Variants in HECW2 observed in about 807,000 individuals in gnomAD.
HECW2 encodes E3 ubiquitin-protein ligase HECW2.
A neutral mutation model predicts 175.2 loss-of-function variants in HECW2; 61 were observed. The observed-to-expected ratio is 0.35, with a 90% confidence interval of 0.28 to 0.43. The LOEUF (loss-of-function observed/expected upper bound fraction) is 0.43, where lower values mean the gene tolerates loss of function less well. Ranked by LOEUF, HECW2 falls within the 20% of genes least tolerant of loss-of-function variation. HECW2 has a pLI of 1.00. For synonymous variants in HECW2, 671 were observed against 731.0 expected (o/e 0.92, Z 1.32); for missense variants, 1,524 against 2,000.5 (o/e 0.76, Z 4.54).
At chr2:196,565,683 C>T (rs1349002168) in intron 1 of HECW2, among the ~76,000 whole-genome samples, 1 of 152,068 alleles carries the variant, frequency 6.6e-6, no homozygotes, top group Non-Finnish European at 1.5e-5. Context: ...TTATAATGAA[C>T]CTTAACAATT....
chr2:196,409,497 C>T (rs1432852231), intron 2 of HECW2, among the ~76,000 whole-genome samples: 1 of 152,154 alleles, frequency 6.6e-6, no homozygotes, highest in Admixed American at 6.5e-5. Flanking sequence ...TCAATCTTCC[C>T]ATCTTCTGCT....
intron 28 of HECW2, among the ~76,000 whole-genome samples, chr2:196,213,459 G>A (rs1331247695): frequency 3.9e-5 from 6 of 152,108 alleles, no homozygotes; most frequent in Non-Finnish European, 5.9e-5. Flanking sequence ...GTGCTCCTGC[G>A]TGTTACCTGG....
chr2:196,473,344 T>C (rs1203259346), intron 1 of HECW2, among the ~76,000 whole-genome samples: 3 of 152,192 alleles, frequency 2.0e-5, no homozygotes, highest in Admixed American at 2.0e-4. Flanking sequence ...AGAAAATACA[T>C]AACAGACACA....
intron 1 of HECW2, among the ~76,000 whole-genome samples, chr2:196,454,591 C>T (rs1002008851): frequency 2.6e-5 from 4 of 152,120 alleles, no homozygotes; most frequent in African/African-American, 9.7e-5. Flanking sequence ...TGAGTGTTAC[C>T]GAATGCCTTT....
intron 2 of HECW2, among the ~76,000 whole-genome samples, chr2:196,354,978 T>C (rs965784938): frequency 6.6e-6 from 1 of 152,236 alleles, no homozygotes; most frequent in Non-Finnish European, 1.5e-5. Context: ...AAGATTTTTT[T>C]CCCCAAACTG....
chr2:196,439,763 GGAAA>G (rs1695985992), intron 1 of HECW2, among the ~76,000 whole-genome samples: 2 of 152,160 alleles, frequency 1.3e-5, no homozygotes, highest in Admixed American at 6.6e-5. Context: ...GGCAAAAATA[GGAAA>G]GGGAAGTCTC....
intron 1 of HECW2, among the ~76,000 whole-genome samples, chr2:196,452,609 C>G (rs1329327630): frequency 6.6e-6 from 1 of 152,132 alleles, no homozygotes; most frequent in Non-Finnish European, 1.5e-5. Flanking sequence ...TGCAAAGCCA[C>G]TTTGGAAGGG....
chr2:196,522,386 T>C (rs2125436796), intron 1 of HECW2, among the ~76,000 whole-genome samples: 1 of 152,346 alleles, frequency 6.6e-6, no homozygotes. Context: ...TAGCCCTTTG[T>C]CAGATGAGTA....
chr2:196,477,377 T>G (rs1390980584), intron 1 of HECW2, among the ~76,000 whole-genome samples: 3 of 152,178 alleles, frequency 2.0e-5, no homozygotes, highest in African/African-American at 7.2e-5. Context: ...AGTTAGAAAT[T>G]AATAGACCAT....
chr2:196,416,732 G>A (rs1403310688), intron 2 of HECW2, among the ~76,000 whole-genome samples: 1 of 152,136 alleles, frequency 6.6e-6, no homozygotes, highest in East Asian at 1.9e-4. Flanking sequence ...ATCCCGCCAG[G>A]CTGCAGGGAA....
chr2:196,373,859 C>T (rs1424825488), intron 2 of HECW2, among the ~76,000 whole-genome samples: 2 of 151,788 alleles, frequency 1.3e-5, no homozygotes, highest in Non-Finnish European at 2.9e-5. Flanking sequence ...GGTGAAACCC[C>T]GTCTCTACTA....
At chr2:196,224,719 T>G (rs925357891) in intron 23 of HECW2, among the ~76,000 whole-genome samples, 1 of 152,056 alleles carries the variant, frequency 6.6e-6, no homozygotes, top group African/African-American at 2.4e-5. Flanking sequence ...CAGGCTGAAG[T>G]GTGCTTAGGG....
chr2:196,563,677 A>G (rs1358400), intron 1 of HECW2, among the ~76,000 whole-genome samples: 29,071 of 152,154 alleles, frequency 0.19, 3,188 homozygotes, highest in African/African-American at 0.3. Flanking sequence ...GGCACCCACT[A>G]GCTAGATCTG....
intron 1 of HECW2, among the ~76,000 whole-genome samples, chr2:196,557,068 G>T (rs1380285352): frequency 6.6e-6 from 1 of 152,038 alleles, no homozygotes; most frequent in African/African-American, 2.4e-5. Context: ...ACATAAAAAT[G>T]GTATTTTTTA....
chr2:196,522,758 TTC>T (rs1688454960), intron 1 of HECW2, among the ~76,000 whole-genome samples: 1 of 150,130 alleles, frequency 6.7e-6, no homozygotes, highest in African/African-American at 2.4e-5. Flanking sequence ...TTGCTTGTTT[TTC>T]TCAGGTTTGT....
intron 1 of HECW2, among the ~76,000 whole-genome samples, chr2:196,557,356 T>C (rs997988668): frequency 1.3e-5 from 2 of 151,362 alleles, no homozygotes; most frequent in African/African-American, 4.9e-5. Flanking sequence ...GATTGCACCA[T>C]TGCACTCCAG....
chr2:196,260,641 C>T (rs1033805248), intron 17 of HECW2: 4 of 152,184 alleles, frequency 2.6e-5, no homozygotes, highest in Admixed American at 1.3e-4. Flanking sequence ...TTTATAAAGT[C>T]CTTTCACGTA....
At chr2:196,259,564 A>AT (rs148712936) in intron 17 of HECW2, among the ~76,000 whole-genome samples, 111 of 149,928 alleles carry the variant, frequency 7.4e-4, no homozygotes, top group Admixed American at 2.4e-3. Context: ...GCTAACTACT[A>AT]TTTTTTTTTT....
chr2:196,308,229 C>G (rs1046900754), intron 10 of HECW2, 144 bp from the exon 11 acceptor site: 2 of 512,772 alleles, frequency 3.9e-6, no homozygotes, highest in Non-Finnish European at 6.5e-6. Flanking sequence ...CTATCCCATA[C>G]TTCTCCCCAG....
Sources: gnomAD v4.1 joint callset for allele counts (sites outside exome capture counted in the v4.1 genomes callset) on GRCh38, gnomAD v4.1.1 for gene constraint, MANE v1.5 for transcripts, NCBI Gene and HGNC (gene_info 2026-07-23, HGNC 2026-07-21) for gene names.